The following GRIN2B variants were observed in gnomAD, a reference collection of about 807,000 sequenced individuals.
GRIN2B encodes the protein glutamate ionotropic receptor NMDA type subunit 2B.
Under a neutral mutation model 114.5 loss-of-function variants are expected in GRIN2B, and 5 were observed. The observed-to-expected ratio is 0.04, with a 90% CI of 0.02 to 0.09. GRIN2B has a LOEUF of 0.09. GRIN2B is among the 10% of genes least tolerant of loss of function. The pLI is 1.00. For synonymous variants in GRIN2B, 787 were observed against 745.1 expected, an observed-to-expected ratio of 1.06 and a Z score of -0.92; for missense variants, 1,108 against 1,943.5, an observed-to-expected ratio of 0.57 and a Z score of 8.08.
chr12:13,890,822 G>A (rs915050957), intron 2 of GRIN2B, among the ~76,000 whole-genome samples: 1 of 152,128 alleles, frequency 6.6e-6, no homozygotes, highest in Admixed American at 6.6e-5. Flanking sequence ...TTCAGAGAAG[G>A]CAGAGTCCTT....
At chr12:13,714,976 C>T (rs966062554) in intron 4 of GRIN2B, among the ~76,000 whole-genome samples, 1 of 151,836 alleles carries the variant, frequency 6.6e-6, no homozygotes, top group Admixed American at 6.6e-5. Flanking sequence ...TAGGTGCCAA[C>T]CACCTGAAGA....
chr12:13,865,381 CA>C, intron 3 of GRIN2B, among the ~76,000 whole-genome samples: 1 of 152,306 alleles, frequency 6.6e-6, no homozygotes, highest in Non-Finnish European at 1.5e-5. Flanking sequence ...CCTGTAATCC[CA>C]GCGCTGTGGG....
chr12:13,751,716 T>G (rs1031252684), intron 4 of GRIN2B, among the ~76,000 whole-genome samples: 1 of 152,140 alleles, frequency 6.6e-6, no homozygotes, highest in Non-Finnish European at 1.5e-5. Context: ...CAAAGAAACA[T>G]ATCTGGCCAC....
intron 2 of GRIN2B, among the ~76,000 whole-genome samples, chr12:13,979,708 A>C (rs1438114333): frequency 6.6e-6 from 1 of 152,032 alleles, no homozygotes; most frequent in Non-Finnish European, 1.5e-5. Context: ...ATCCACCCCC[A>C]CTGCCCCCCA....
chr12:13,655,437 T>C (rs1450855256), intron 5 of GRIN2B, among the ~76,000 whole-genome samples: 2 of 152,162 alleles, frequency 1.3e-5, no homozygotes, highest in Non-Finnish European at 2.9e-5. Context: ...GCGGTAAGAA[T>C]TGACTGAGAA....
At chr12:13,832,297 C>G (rs1865164256) in intron 3 of GRIN2B, among the ~76,000 whole-genome samples, 1 of 152,172 alleles carries the variant, frequency 6.6e-6, no homozygotes, top group African/African-American at 2.4e-5. Context: ...ATTTTGGTGT[C>G]TATATGTAAT....
chr12:13,671,450 G>T (rs1159364436), intron 5 of GRIN2B, among the ~76,000 whole-genome samples: 1 of 152,094 alleles, frequency 6.6e-6, no homozygotes, highest in Admixed American at 6.6e-5. Flanking sequence ...TGTAGCATTG[G>T]GACTACTTTT....
chr12:13,794,164 C>T (rs2136667782), intron 3 of GRIN2B, among the ~76,000 whole-genome samples: 1 of 123,748 alleles, frequency 8.1e-6, no homozygotes. Flanking sequence ...GAGATCACTT[C>T]ATTGCACCAC....
At chr12:13,973,513 C>T (rs1227818587) in intron 2 of GRIN2B, among the ~76,000 whole-genome samples, 3 of 152,220 alleles carry the variant, frequency 2.0e-5, no homozygotes, top group African/African-American at 4.8e-5. Context: ...CCTGTAGCTT[C>T]TCTCTCCTTC....
At position 13,543,725 on chromosome 12, in the gene GRIN2B, A is replaced by C. The variant is rs1350969900; in HGVS notation, c.*19058T>G. ...GACTCATTCATGCTTTCTTCCTTCC[A>C]AAACCTCCAATACTCTTCCCCTATA... is the stretch of plus-strand genomic sequence containing the variant. On this transcript the variant is annotated 3_prime_UTR_variant, in exon 14 of 14. Coordinates refer to ENST00000609686, the MANE Select transcript of GRIN2B (RefSeq NM_000834.5). 1.3e-5 allele frequency: 2 copies of C among 151,934 alleles called. No individual in the cohort carries two copies. The highest frequency in any genetic ancestry group is 4.9e-5 in the African/African-American group (2 of 41,228). 9.4% of individuals were successfully genotyped at this position (151,934 alleles called of 1,614,324 possible).
intron 4 of GRIN2B, among the ~76,000 whole-genome samples, chr12:13,724,519 A>G (rs1267610128): frequency 6.6e-6 from 1 of 152,142 alleles, no homozygotes; most frequent in Non-Finnish European, 1.5e-5. Context: ...GAGGTGACAA[A>G]TGATGGGAAG....
chr12:13,705,722 A>G (rs768717894), intron 4 of GRIN2B, among the ~76,000 whole-genome samples: 2 of 152,170 alleles, frequency 1.3e-5, no homozygotes, highest in Admixed American at 6.6e-5. Context: ...TCTCTTTACT[A>G]TAATAATTAT....
chr12:13,605,551 T>TCTCTCTCTCTCACACACA, intron 10 of GRIN2B, among the ~76,000 whole-genome samples: 1 of 30,488 alleles, frequency 3.3e-5, no homozygotes, highest in African/African-American at 1.0e-4. Flanking sequence ...TCTCTCTCTC[T>TCTCTCTCTCTCACACACA]GACACACACA....
At chr12:13,838,841 G>A (rs1036293902) in intron 3 of GRIN2B, among the ~76,000 whole-genome samples, 6 of 152,132 alleles carry the variant, frequency 3.9e-5, no homozygotes, top group Non-Finnish European at 8.8e-5. Flanking sequence ...TGCTCCCAGT[G>A]CCCTGCTGAT....
At chr12:13,611,588 C>G in intron 9 of GRIN2B, 137 bp downstream of exon 9, 2 of 885,780 alleles carry the variant, frequency 2.3e-6, no homozygotes, top group Non-Finnish European at 3.8e-6. Flanking sequence ...AAGCTGGTGA[C>G]TTAGAAATGT....
intron 13 of GRIN2B, among the ~76,000 whole-genome samples, chr12:13,566,747 C>G (rs1948646122): frequency 6.6e-6 from 1 of 152,152 alleles, no homozygotes; most frequent in African/African-American, 2.4e-5. Flanking sequence ...TGGTAAAAAG[C>G]CAAATTTTCC....
rs993470403 is a variant in GRIN2B at position 13,603,526 on chromosome 12, A to G, written c.2010+5077T>C. 3.4e-4 allele frequency among the ~76,000 whole-genome samples: 51 copies of G among 152,148 alleles called. 1 individual carries two copies. The highest frequency in any genetic ancestry group is 4.4e-5 in the Non-Finnish European group (3 of 68,030). ...ATTAATAGCACCATTATATAAGATA[A>G]TCTATGAAATATATTTGGCATGATG... On this transcript the variant is annotated intron_variant, in intron 10 of 13. Transcript: ENST00000609686.
intron 5 of GRIN2B, among the ~76,000 whole-genome samples, chr12:13,654,723 G>A (rs1328986553): frequency 1.3e-5 from 2 of 152,130 alleles, no homozygotes; most frequent in Middle Eastern, 3.2e-3. Flanking sequence ...TCCTGCTGGT[G>A]TGTTTTGCTC....
chr12:13,589,577 G>A (rs1369439897), intron 10 of GRIN2B, among the ~76,000 whole-genome samples: 1 of 152,184 alleles, frequency 6.6e-6, no homozygotes, highest in Non-Finnish European at 1.5e-5. Context: ...TCCAGTAAGT[G>A]CTATGTAGTA....
Sources: gnomAD v4.1 joint callset for allele counts (sites outside exome capture counted in the v4.1 genomes callset) on GRCh38, gnomAD v4.1.1 for gene constraint, MANE v1.5 for transcripts, NCBI Gene and HGNC (gene_info 2026-07-23, HGNC 2026-07-21) for gene names.